Variants in SDK2 observed in about 807,000 individuals in gnomAD.
SDK2 encodes the protein protein sidekick-2.
SDK2 carries 105 observed loss-of-function variants against 253.9 expected under a neutral mutation model. The ratio of observed to expected loss-of-function variants is 0.41; its 90% confidence interval spans 0.35 to 0.49. SDK2 has a LOEUF of 0.49. Ranked by LOEUF, SDK2 falls within the 20% of genes least tolerant of loss-of-function variation. The probability of loss-of-function intolerance (pLI) is 0.06; values close to 1 mark genes in which losing one functional copy is unlikely to be tolerated. For synonymous variants in SDK2, 1,249 were observed against 1,234.9 expected (o/e 1.01, Z -0.24); for missense variants, 2,608 against 3,003.0 (o/e 0.87, Z 3.07).
chr17:73,350,089 T>C lies in SDK2; in HGVS notation c.6038+148A>G, dbSNP rs940575798. ...CTTGGGCCCCACTGTGTCTTTCTGCTGATCGTTCCCAGCCCTGGGGCTTGA... is the reference window on the plus strand; with the variant it reads ...CTTGGGCCCCACTGTGTCTTTCTGCCGATCGTTCCCAGCCCTGGGGCTTGA... On this transcript the variant is annotated intron_variant, in intron 43 of 44. Coordinates refer to ENST00000392650, the MANE Select transcript of SDK2 (RefSeq NM_001144952.2). The C allele has an allele frequency of 9.3e-6, 4 of 427,978 alleles. No individual in the cohort carries two copies. In the Admixed American group the frequency reaches 2.4e-4, roughly 26 times the overall value. The allele number at this position is 427,978 out of a possible 1,614,324, so 26.5% of individuals were successfully genotyped here.
chr17:73,401,907 C>CGGT (rs752018858), intron 19 of SDK2, 39 bp downstream of exon 19: 1 of 1,394,174 alleles, frequency 7.2e-7, no homozygotes, highest in African/African-American at 1.4e-5. Context: ...TGGCCTTGGG[C>CGGT]GGGGGGGGGC....
chr17:73,399,460 G>A (rs563623559), intron 21 of SDK2, among the ~76,000 whole-genome samples, 171 bp from the exon 22 acceptor site: 19 of 152,296 alleles, frequency 1.2e-4, no homozygotes, highest in African/African-American at 4.6e-4. Context: ...TGTGTCTTAC[G>A]GAGAACCATG....
intron 12 of SDK2, among the ~76,000 whole-genome samples, chr17:73,427,219 C>T (rs752079430): frequency 3.3e-5 from 5 of 152,206 alleles, no homozygotes; most frequent in Non-Finnish European, 5.9e-5. Flanking sequence ...ATCTAATTAG[C>T]AGTTACTGAA....
chr17:73,365,059 T>C (rs967830761), intron 38 of SDK2, among the ~76,000 whole-genome samples, 199 bp downstream of exon 38: 4 of 152,216 alleles, frequency 2.6e-5, no homozygotes, highest in Non-Finnish European at 5.9e-5. Flanking sequence ...TGGATCTCTC[T>C]TCCAACTCTG....
Position 73,393,644 on chromosome 17 carries a change from A to G in SDK2, c.3814T>C (p.Tyr1272His), listed in dbSNP as rs1281384511. ...GTGAAGGCCAGCACCTGGACTTCATAGAGCACGTATTTGCCCAAGCCGGTG... is the reference window on the plus strand; with the variant it reads ...GTGAAGGCCAGCACCTGGACTTCATGGAGCACGTATTTGCCCAAGCCGGTG... Reference protein sequence around the residue: ...QLTGLGKYVLYEVQVLAFTRI... With the variant: ...QLTGLGKYVLHEVQVLAFTRI... Residue 1272 changes from tyrosine (Y) to histidine (H), a missense_variant, in exon 27 of 45, where the codon TAT (tyrosine) becomes CAT (histidine). Coordinates refer to ENST00000392650, the MANE Select transcript of SDK2 (RefSeq NM_001144952.2). The G allele has an allele frequency of 1.2e-6, 2 of 1,600,180 alleles. No individual in the cohort carries two copies. The highest frequency in any genetic ancestry group is 1.7e-6 in the Non-Finnish European group (2 of 1,169,702).
rs183367434 is a variant in SDK2, at chr17:73,442,530, G to A, written c.614-1607C>T. 6.1e-4 allele frequency among the ~76,000 whole-genome samples: 93 copies of A among 152,172 alleles called. 1 individual carries two copies. The Middle Eastern group carries it at 0.02, about 33-fold the overall frequency. ...TAATTTTTGTATTTTTAGTAGAGAC[G>A]GGGTTTCACTATGTTGGCCAGGCTG... On this transcript the variant is annotated intron_variant, in intron 5 of 44. Coordinates refer to ENST00000392650, the MANE Select transcript of SDK2 (RefSeq NM_001144952.2).
At chr17:73,463,399 T>C (rs1182283381) in intron 3 of SDK2, among the ~76,000 whole-genome samples, 1 of 152,236 alleles carries the variant, frequency 6.6e-6, no homozygotes, top group Non-Finnish European at 1.5e-5. Context: ...TCATGAAATA[T>C]GTCACGCATA....
chr17:73,531,764 C>A lies in SDK2; in HGVS notation c.65-24167G>T, dbSNP rs1352123152. ...CACATAGCTCTTTTTGTCACTGAAC[C>A]AGAGACATGGTGGAAATTCTGGAAA... On this transcript the variant is annotated intron_variant, in intron 1 of 44. Coordinates refer to ENST00000392650, the MANE Select transcript of SDK2 (RefSeq NM_001144952.2). 1.3e-5 allele frequency among the ~76,000 whole-genome samples: 2 copies of A among 152,164 alleles called. 1 individual carries two copies. Among genetic ancestry groups the A allele is most frequent in the African/African-American group, 4.8e-5 (2 of 41,430 alleles).
chr17:73,487,545 G>C (rs1367522942), intron 2 of SDK2, among the ~76,000 whole-genome samples: 1 of 152,240 alleles, frequency 6.6e-6, no homozygotes, highest in African/African-American at 2.4e-5. Context: ...CTCACAGTGA[G>C]GTGTGGGGAC....
chr17:73,433,795 T>C lies in SDK2; in HGVS notation c.1249A>G (p.Met417Val). The change falls in exon 10 of 45, where the codon ATG becomes GTG. Residue 417 changes from methionine to valine, a missense_variant. By Grantham distance (21) the Met-to-Val change is conservative. Transcript: ENST00000392650. The part of the protein sequence containing the change: ...GPLDSTVIDG[M>V]SVVLACETSG... ...GTCTCACATGCTAGCACCACTGACA[T>C]GCCATCGATCACCGTGCTGTCCAGG... 1 of 1,605,284 alleles carries C rather than the reference T, an allele frequency of 6.2e-7. No individual in the cohort carries two copies. The highest frequency in any genetic ancestry group is 2.2e-5 in the East Asian group (1 of 44,684).
At chr17:73,341,978 C>G (rs1019381464) in intron 44 of SDK2, among the ~76,000 whole-genome samples, 1 of 151,994 alleles carries the variant, frequency 6.6e-6, no homozygotes, top group Non-Finnish European at 1.5e-5. Flanking sequence ...GTGATCCGGC[C>G]GGGCTTGAAC....
At chr17:73,464,268 G>A (rs183002036) in intron 3 of SDK2, among the ~76,000 whole-genome samples, 190 of 152,258 alleles carry the variant, frequency 1.2e-3, no homozygotes, top group Admixed American at 2.4e-3. Context: ...AATCATGGGG[G>A]TGGTTCCCCC....
In SDK2 at chr17:73,511,061, C is replaced by T. The variant is rs552944044; in HGVS notation, c.65-3464G>A. Among the ~76,000 whole-genome samples, 19 of 152,296 alleles carry T rather than the reference C, an allele frequency of 1.2e-4. No homozygotes were observed. The highest frequency in any genetic ancestry group is 2.1e-4 in the South Asian group (1 of 4,834). On this transcript the variant is annotated intron_variant, in intron 1 of 44. Coordinates refer to ENST00000392650, the MANE Select transcript of SDK2 (RefSeq NM_001144952.2). The surrounding 1 kb of genome is among the most constrained non-coding windows in gnomAD (Gnocchi z 4.9). ...CCAAGGAAAAGGACCCACTGCCCGC[C>T]GCCCGGCTGGCAGCAGCCAGCTCTG...
chr17:73,458,519 A>G (rs12232541), intron 3 of SDK2, among the ~76,000 whole-genome samples: 63,990 of 152,154 alleles, frequency 0.42, 13,781 homozygotes, highest in Admixed American at 0.54. Flanking sequence ...CTTTCCAGCC[A>G]TGCTGGCCCC....
At chr17:73,470,048 A>C (rs1229540806) in intron 3 of SDK2, among the ~76,000 whole-genome samples, 1 of 149,330 alleles carries the variant, frequency 6.7e-6, no homozygotes, top group Non-Finnish European at 1.5e-5. Flanking sequence ...GTTCTGGCCC[A>C]CACACAGGTA....
chr17:73,540,016 G>A (rs1483941276), intron 1 of SDK2, among the ~76,000 whole-genome samples: 11 of 147,942 alleles, frequency 7.4e-5, no homozygotes, highest in South Asian at 6.7e-4. Flanking sequence ...CACCAGAGAC[G>A]GGGTCATGCA....
At chr17:73,582,822 T>C (rs2045554230) in intron 1 of SDK2, among the ~76,000 whole-genome samples, 1 of 152,202 alleles carries the variant, frequency 6.6e-6, no homozygotes, top group Non-Finnish European at 1.5e-5. Flanking sequence ...CCCACAGCAT[T>C]GCACTCTCAC....
At chr17:73,580,184 C>T (rs2045515132) in intron 1 of SDK2, among the ~76,000 whole-genome samples, 1 of 152,158 alleles carries the variant, frequency 6.6e-6, no homozygotes, top group South Asian at 2.1e-4. Context: ...AAACAGACGC[C>T]TTCCCTGCCC....
chr17:73,620,129 G>A (rs1174875612), intron 1 of SDK2, among the ~76,000 whole-genome samples: 1 of 151,106 alleles, frequency 6.6e-6, no homozygotes, highest in African/African-American at 2.4e-5. Flanking sequence ...AGCCCAGGGG[G>A]TTGAGGCTGC....
Sources: allele counts gnomAD v4.1 joint callset (sites outside exome capture counted in the v4.1 genomes callset), GRCh38; gene constraint gnomAD v4.1.1; non-coding constraint Gnocchi (gnomAD v3.1); transcripts MANE v1.5; gene names NCBI Gene and HGNC (gene_info 2026-07-23, HGNC 2026-07-21).